Variants in IPCEF1 observed in about 807,000 individuals in gnomAD.
IPCEF1 encodes interaction protein for cytohesin exchange factors 1, also known as interactor protein for cytohesin exchange factors 1.
Under a neutral mutation model 50.9 loss-of-function variants are expected in IPCEF1, and 31 were observed. That is an observed-to-expected ratio of 0.61 (90% CI 0.46 to 0.82). IPCEF1 has a LOEUF of 0.82. IPCEF1 is among the 40% of genes least tolerant of loss of function. The pLI is 0.00. For missense variants in IPCEF1, 458 were observed against 514.0 expected (o/e 0.89, Z 1.05); for synonymous variants, 181 against 192.0 (o/e 0.94, Z 0.47).
chr6:154,280,664 T>G (rs556070296), intron 2 of IPCEF1, among the ~76,000 whole-genome samples: 1 of 152,268 alleles, frequency 6.6e-6, no homozygotes, highest in East Asian at 1.9e-4. Flanking sequence ...GTCATAAAAT[T>G]ATCACAAAAT....
intron 1 of IPCEF1, among the ~76,000 whole-genome samples, chr6:154,291,808 C>T (rs1432120994): frequency 1.3e-5 from 2 of 151,794 alleles, no homozygotes; most frequent in African/African-American, 4.8e-5. Flanking sequence ...CCTCAGCCTC[C>T]CAAGTAGCTG....
intron 9 of IPCEF1, among the ~76,000 whole-genome samples, chr6:154,207,001 G>C (rs1171338265): frequency 6.6e-6 from 1 of 152,232 alleles, no homozygotes; most frequent in African/African-American, 2.4e-5. Flanking sequence ...TTGTGCAGGT[G>C]AATCAATGTG....
In IPCEF1 at chr6:154,155,108, G is replaced by A. The variant is rs1798659458; in HGVS notation, c.*4720C>T. On this transcript the variant is annotated 3_prime_UTR_variant, in exon 12 of 12. Coordinates refer to ENST00000367220, the MANE Select transcript of IPCEF1 (RefSeq NM_001130700.2). ...ATGTGGGAAAGAACTGAGATGTGCTGAAGAGGCAAGGGAATTGCTTCCTGC... is the reference window on the plus strand; with the variant it reads ...ATGTGGGAAAGAACTGAGATGTGCTAAAGAGGCAAGGGAATTGCTTCCTGC... 6.6e-6 allele frequency: 1 copy of A among 152,132 alleles called. No individual in the cohort carries two copies. Among genetic ancestry groups the A allele is most frequent in the Non-Finnish European group, 1.5e-5 (1 of 68,036 alleles). The allele number at this position is 152,132 out of a possible 1,614,324, so 9.4% of individuals were successfully genotyped here. A position where few individuals can be genotyped will look rare whatever the true frequency, so the allele number is the denominator to read the frequency against.
intron 1 of IPCEF1, among the ~76,000 whole-genome samples, chr6:154,295,259 T>C (rs1782617302): frequency 6.6e-6 from 1 of 152,216 alleles, no homozygotes; most frequent in Admixed American, 6.5e-5. Flanking sequence ...TGTACAGTCA[T>C]GTGCTAGATG....
intron 9 of IPCEF1, among the ~76,000 whole-genome samples, chr6:154,203,862 G>C (rs1383342977): frequency 6.6e-6 from 1 of 152,138 alleles, no homozygotes; most frequent in African/African-American, 2.4e-5. Context: ...TCAGCCTCTG[G>C]GGGAGGAGCT....
chr6:154,308,965 A>G (rs1783006907), intron 1 of IPCEF1, among the ~76,000 whole-genome samples: 1 of 152,274 alleles, frequency 6.6e-6, no homozygotes, highest in Admixed American at 6.5e-5. Context: ...TCATTTTAAA[A>G]GTGTAAACAT....
At chr6:154,312,992 A>G (rs2745448) in intron 1 of IPCEF1, among the ~76,000 whole-genome samples, 110,300 of 147,380 alleles carry the variant, frequency 0.75, 41,657 homozygotes, top group East Asian at 0.89. Context: ...TGGGAAGATC[A>G]CTTGAGCCCA....
At chr6:154,233,340 A>G (rs1779868839) in intron 5 of IPCEF1, among the ~76,000 whole-genome samples, 1 of 152,166 alleles carries the variant, frequency 6.6e-6, no homozygotes, top group Non-Finnish European at 1.5e-5. Flanking sequence ...AATGGTTATA[A>G]AAACATTTTA....
chr6:154,301,223 T>A (rs901675452), intron 1 of IPCEF1, among the ~76,000 whole-genome samples: 2 of 152,188 alleles, frequency 1.3e-5, no homozygotes, highest in African/African-American at 4.8e-5. Context: ...CCCTGATCCC[T>A]CACATTATAG....
chr6:154,310,059 C>T (rs1783042469), intron 1 of IPCEF1, among the ~76,000 whole-genome samples: 2 of 152,172 alleles, frequency 1.3e-5, no homozygotes, highest in East Asian at 3.8e-4. Context: ...CCACCACACC[C>T]GGCCGTCGCT....
chr6:154,201,108 C>T (rs185733784), intron 9 of IPCEF1, among the ~76,000 whole-genome samples: 2 of 152,304 alleles, frequency 1.3e-5, no homozygotes, highest in Admixed American at 1.3e-4. Context: ...TTCCCCTTCG[C>T]CTTCCTCCAT....
At chr6:154,181,737 G>T (rs532276055) in intron 10 of IPCEF1, among the ~76,000 whole-genome samples, 4 of 152,280 alleles carry the variant, frequency 2.6e-5, no homozygotes, top group African/African-American at 9.6e-5. Context: ...CGCAGGGCAC[G>T]AGACCTGAGA....
chr6:154,231,782 G>T (rs1049373784), intron 5 of IPCEF1, among the ~76,000 whole-genome samples: 2 of 152,216 alleles, frequency 1.3e-5, no homozygotes, highest in African/African-American at 4.8e-5. Flanking sequence ...TGACTTGGTT[G>T]TAACTTGTTA....
In IPCEF1 at chr6:154,265,850, T is replaced by A. The variant is rs1256585456; in HGVS notation, c.36+62A>T. 6 of 1,173,774 alleles carry A rather than the reference T, an allele frequency of 5.1e-6. No individual in the cohort carries two copies. In the East Asian group the frequency reaches 1.5e-4, roughly 29 times the overall value. The allele number at this position is 1,173,774 out of a possible 1,614,324, so 72.7% of individuals were successfully genotyped here. ...CTAGCCAAACTTGAAATCAACCTAC[T>A]ATTTTACTCATTCATCAAACTGACA... On this transcript the variant is annotated intron_variant, in intron 3 of 11. Coordinates refer to ENST00000367220, the MANE Select transcript of IPCEF1 (RefSeq NM_001130700.2).
At chr6:154,238,214 A>G (rs953949333) in intron 5 of IPCEF1, among the ~76,000 whole-genome samples, 2 of 152,188 alleles carry the variant, frequency 1.3e-5, no homozygotes, top group African/African-American at 4.8e-5. Flanking sequence ...AAACACATAC[A>G]ACAAAATGTC....
chr6:154,234,930 A>C (rs1279232640), intron 5 of IPCEF1, among the ~76,000 whole-genome samples: 1 of 152,234 alleles, frequency 6.6e-6, no homozygotes, highest in Non-Finnish European at 1.5e-5. Flanking sequence ...GCTTCTGCTC[A>C]GTCTCATCTC....
Position 154,246,709 on chromosome 6 carries a change from G to A in IPCEF1, c.128C>T (p.Ala43Val), listed in dbSNP as rs1781071178. Residue 43 changes from alanine (A) to valine (V), a missense_variant, in exon 5 of 12, where the codon GCT (alanine) becomes GTT (valine). Ala to Val is a moderately conservative substitution (Grantham distance 64). Coordinates refer to ENST00000367220, the MANE Select transcript of IPCEF1 (RefSeq NM_001130700.2). ...CTTATACAGCCACCCTTGGCAGTCA[G>A]CATGGCCCAGATCTTTACACGATAT... ...RRISCKDLGH[A>V]DCQGWLYKKK... 3 of 1,614,052 alleles carry A rather than the reference G, an allele frequency of 1.9e-6. No individual in the cohort carries two copies. The highest frequency in any genetic ancestry group is 2.5e-6 in the Non-Finnish European group (3 of 1,179,964).
chr6:154,285,693 C>T (rs1484492176), intron 2 of IPCEF1, among the ~76,000 whole-genome samples: 4 of 152,044 alleles, frequency 2.6e-5, no homozygotes, highest in Non-Finnish European at 5.9e-5. Flanking sequence ...AATTATGAGC[C>T]TTCAAGAAGA....
At chr6:154,340,884 CAA>C (rs59726979) in intron 1 of IPCEF1, among the ~76,000 whole-genome samples, 7 of 128,674 alleles carry the variant, frequency 5.4e-5, no homozygotes, top group Admixed American at 1.5e-4. Flanking sequence ...AACTCCGTCT[CAA>C]AAAAAAAAAA....
Sources: allele counts gnomAD v4.1 joint callset (sites outside exome capture counted in the v4.1 genomes callset), GRCh38; gene constraint gnomAD v4.1.1; transcripts MANE v1.5; gene names NCBI Gene and HGNC (gene_info 2026-07-23, HGNC 2026-07-21).